The following PTPRD variants were observed in gnomAD, a reference collection of about 807,000 sequenced individuals.
PTPRD encodes receptor-type tyrosine-protein phosphatase delta.
Under a neutral mutation model 214.5 loss-of-function variants are expected in PTPRD, and 34 were observed. The ratio of observed to expected loss-of-function variants is 0.16; its 90% CI spans 0.12 to 0.21. The LOEUF (loss-of-function observed/expected upper bound fraction) is 0.21, where lower values mean the gene tolerates loss of function less well. PTPRD is among the 10% of genes least tolerant of loss of function. The pLI is 1.00. For synonymous variants in PTPRD, 1,128 were observed against 845.7 expected (o/e 1.33, Z -5.79); for missense variants, 2,545 against 2,398.7 (o/e 1.06, Z -1.27).
At chr9:9,809,264 ATTTTTT>A (rs58701533) in intron 5 of PTPRD, among the ~76,000 whole-genome samples, 1,755 of 118,196 alleles carry the variant, frequency 0.015, 30 homozygotes, top group African/African-American at 0.051. Flanking sequence ...GCCACAAGAG[ATTTTTT>A]TTTTTTTTTT....
Position 9,297,347 on chromosome 9 carries a change from T to A in PTPRD, c.-203+100102A>T, listed in dbSNP as rs1953474316. Among the ~76,000 whole-genome samples the A allele has an allele frequency of 1.3e-5, 2 of 151,566 alleles. 1 individual carries two copies. Among genetic ancestry groups the A allele is most frequent in the African/African-American group, 4.8e-5 (2 of 41,362 alleles). ...ATGGTTTTGGGTCTTGCAAACATAATGAAGTAGAATAAGATGAATGAAAAA... is the reference window on the plus strand; with the variant it reads ...ATGGTTTTGGGTCTTGCAAACATAAAGAAGTAGAATAAGATGAATGAAAAA... On this transcript the variant is annotated intron_variant, in intron 9 of 45. Transcript: ENST00000381196.
At chr9:9,400,222 G>A (rs1234275161) in intron 8 of PTPRD, among the ~76,000 whole-genome samples, 1 of 151,624 alleles carries the variant, frequency 6.6e-6, no homozygotes, top group Non-Finnish European at 1.5e-5. Context: ...ACATAGTTGG[G>A]TAAGGAACAG....
chr9:9,840,794 A>G (rs914439314), intron 5 of PTPRD, among the ~76,000 whole-genome samples: 3 of 130,226 alleles, frequency 2.3e-5, no homozygotes, highest in African/African-American at 5.8e-5. Flanking sequence ...AAAAAAAAAA[A>G]AAAAACAGAA....
intron 14 of PTPRD, among the ~76,000 whole-genome samples, chr9:8,613,813 C>T (rs1247578750): frequency 6.6e-6 from 1 of 152,170 alleles, no homozygotes; most frequent in Non-Finnish European, 1.5e-5. Flanking sequence ...GTTTTTCTTA[C>T]ACCCTGAGGG....
chr9:8,913,311 C>T (rs2098760862), intron 11 of PTPRD, among the ~76,000 whole-genome samples: 1 of 151,952 alleles, frequency 6.6e-6, no homozygotes, highest in African/African-American at 2.4e-5. Context: ...TATTCCTTGC[C>T]TTTGGAGTTA....
At chr9:8,420,589 T>C (rs888202862) in intron 35 of PTPRD, among the ~76,000 whole-genome samples, 1 of 152,114 alleles carries the variant, frequency 6.6e-6, no homozygotes, top group Non-Finnish European at 1.5e-5. Context: ...TTATATCCCT[T>C]TTCAAGAGCA....
chr9:8,505,907 A>G (rs1332525813), intron 22 of PTPRD, among the ~76,000 whole-genome samples: 1 of 152,206 alleles, frequency 6.6e-6, no homozygotes, highest in Non-Finnish European at 1.5e-5. Flanking sequence ...AGGTTTAAAC[A>G]ATTCAGTGCT....
At chr9:10,330,255 T>G (rs147768901) in intron 3 of PTPRD, among the ~76,000 whole-genome samples, 1 of 151,776 alleles carries the variant, frequency 6.6e-6, no homozygotes, top group South Asian at 2.1e-4. Context: ...TATTCCAACA[T>G]CTGGATTGAG....
intron 3 of PTPRD, among the ~76,000 whole-genome samples, chr9:10,120,976 T>A (rs891105019): frequency 6.6e-6 from 1 of 152,166 alleles, no homozygotes; most frequent in Non-Finnish European, 1.5e-5. Context: ...AGTAAAAATT[T>A]ATTTATCTTT....
At position 8,892,099 on chromosome 9, in the gene PTPRD, C is replaced by A. The variant is rs961120541; in HGVS notation, c.-104+126598G>T. On this transcript the variant is annotated intron_variant, in intron 11 of 45. Transcript: ENST00000381196. ...AGATGAAAGGAAAGAAACAGAATTC[C>A]ACTCCGGGCTTCTTCTGATCCTCTG... Among the ~76,000 whole-genome samples the A allele has an allele frequency of 2.0e-5, 3 of 152,088 alleles. No individual in the cohort carries two copies. In the East Asian group the frequency reaches 5.8e-4, roughly 29 times the overall value.
At chr9:10,368,270 G>T (rs527946202) in intron 2 of PTPRD, among the ~76,000 whole-genome samples, 60 of 152,126 alleles carry the variant, frequency 3.9e-4, no homozygotes, top group African/African-American at 1.4e-3. Context: ...GAGAGTAAAT[G>T]TAATACAAAA....
intron 10 of PTPRD, among the ~76,000 whole-genome samples, chr9:9,036,644 C>T (rs180845947): frequency 5.2e-4 from 79 of 152,178 alleles, no homozygotes; most frequent in African/African-American, 1.8e-3. Flanking sequence ...AACTCTATGG[C>T]GGAGAGGGAG....
chr9:8,716,054 C>T (rs1314253927), intron 12 of PTPRD, among the ~76,000 whole-genome samples: 1 of 152,200 alleles, frequency 6.6e-6, no homozygotes, highest in Admixed American at 6.5e-5. Context: ...TGGGTAGCCA[C>T]AGCAGTCCCT....
intron 9 of PTPRD, among the ~76,000 whole-genome samples, chr9:9,306,188 A>G (rs1957067348): frequency 6.6e-6 from 1 of 152,098 alleles, no homozygotes; most frequent in South Asian, 2.1e-4. Context: ...TTATTAAGCT[A>G]TCTGGCAGAA....
intron 8 of PTPRD, among the ~76,000 whole-genome samples, chr9:9,571,748 C>T (rs1004843439): frequency 1.3e-5 from 2 of 150,806 alleles, no homozygotes; most frequent in Non-Finnish European, 3.0e-5. Flanking sequence ...CAAAATACTA[C>T]ATATTGCTTA....
chr9:10,232,884 G>A (rs1054685143), intron 3 of PTPRD, among the ~76,000 whole-genome samples: 8 of 151,986 alleles, frequency 5.3e-5, no homozygotes, highest in Non-Finnish European at 1.2e-4. Context: ...TACGTTTTAT[G>A]TGACTTGAAA....
At chr9:8,482,879 G>T (rs960507970) in intron 30 of PTPRD, among the ~76,000 whole-genome samples, 14 of 150,952 alleles carry the variant, frequency 9.3e-5, no homozygotes, top group African/African-American at 3.4e-4. Flanking sequence ...TTATTTGTAT[G>T]CCTCCTATTT....
intron 35 of PTPRD, among the ~76,000 whole-genome samples, chr9:8,425,809 G>C (rs2094625814): frequency 6.6e-6 from 1 of 152,136 alleles, no homozygotes; most frequent in South Asian, 2.1e-4. Context: ...CTGAGATCAG[G>C]AGAGTTAAAT....
intron 2 of PTPRD, among the ~76,000 whole-genome samples, chr9:10,378,068 T>C (rs2097762491): frequency 6.6e-6 from 1 of 152,022 alleles, no homozygotes; most frequent in Admixed American, 6.6e-5. Flanking sequence ...CTCTCCAGCA[T>C]TTGTTATTAC....
Sources: allele counts gnomAD v4.1 joint callset (sites outside exome capture counted in the v4.1 genomes callset), GRCh38; gene constraint gnomAD v4.1.1; transcripts MANE v1.5; gene names NCBI Gene and HGNC (gene_info 2026-07-23, HGNC 2026-07-21).